Variants in ITGBL1 observed in about 807,000 individuals in gnomAD.
The protein encoded by ITGBL1 is integrin subunit beta like 1, also known as integrin beta-like protein 1.
ITGBL1 carries 51 observed loss-of-function variants against 68.5 expected under a neutral mutation model. The ratio of observed to expected loss-of-function variants is 0.74; its 90% confidence interval spans 0.59 to 0.94. The LOEUF is 0.94. Among genes scored for constraint, ITGBL1 ranks in the 40% least tolerant of loss-of-function variants. The pLI is 0.00. For missense variants in ITGBL1, 649 were observed against 647.4 expected (o/e 1.00, Z -0.03); for synonymous variants, 209 against 227.3 (o/e 0.92, Z 0.72).
chr13:101,675,769 T>C (rs1408104952), intron 7 of ITGBL1, among the ~76,000 whole-genome samples: 4 of 152,322 alleles, frequency 2.6e-5, no homozygotes, highest in Admixed American at 2.6e-4. Flanking sequence ...TGCCTCATTC[T>C]ATCTTTTCTC....
rs72659186 is a variant in ITGBL1 at position 101,695,373 on chromosome 13, C to A, written c.1132+2672C>A. Among the ~76,000 whole-genome samples, 499 of 152,216 alleles carry A rather than the reference C, an allele frequency of 3.3e-3. 1 individual carries two copies. The highest frequency in any genetic ancestry group is 5.4e-3 in the Non-Finnish European group (367 of 68,008). On this transcript the variant is annotated intron_variant, in intron 8 of 10. Transcript: ENST00000376180. The stretch of plus-strand genomic sequence containing the variant: ...AACATTTGAGGACCAGAGAAAAACC[C>A]TGTGTGATTGCAGATTAGAAAACCA...
intron 2 of ITGBL1, among the ~76,000 whole-genome samples, chr13:101,480,106 T>G (rs1239347678): frequency 6.6e-6 from 1 of 152,054 alleles, no homozygotes; most frequent in Non-Finnish European, 1.5e-5. Flanking sequence ...GAAAATGTGG[T>G]ATCTATACAC....
At chr13:101,495,685 T>C (rs1342404586) in intron 2 of ITGBL1, among the ~76,000 whole-genome samples, 1 of 151,998 alleles carries the variant, frequency 6.6e-6, no homozygotes, top group Admixed American at 6.6e-5. Flanking sequence ...CTACCTCCTA[T>C]AAGGATGGGC....
At chr13:101,483,090 A>T (rs183473341) in intron 2 of ITGBL1, among the ~76,000 whole-genome samples, 151 of 152,220 alleles carry the variant, frequency 9.9e-4, no homozygotes, top group Admixed American at 1.5e-3. Context: ...CTAAAGGTGG[A>T]CTCTGCTAGG....
At chr13:101,707,908 A>C (rs1224076267) in intron 9 of ITGBL1, among the ~76,000 whole-genome samples, 1 of 151,950 alleles carries the variant, frequency 6.6e-6, no homozygotes, top group African/African-American at 2.4e-5. Context: ...AAGCCTGCCA[A>C]ATGGTTATAA....
At chr13:101,720,768 A>G (rs2139645427), downstream of ITGBL1, 1 of 152,292 alleles carries the variant, frequency 6.6e-6, no homozygotes, top group South Asian at 2.1e-4. Context: ...TCAAGATGAC[A>G]TAACACCAAA....
intron 3 of ITGBL1, among the ~76,000 whole-genome samples, chr13:101,574,838 A>T (rs2050330304): frequency 6.6e-6 from 1 of 152,086 alleles, no homozygotes; most frequent in Admixed American, 6.6e-5. Context: ...GTTACCAGCA[A>T]TCCATGCCTA....
chr13:101,647,261 A>G (rs2139443585), intron 7 of ITGBL1, among the ~76,000 whole-genome samples: 1 of 152,350 alleles, frequency 6.6e-6, no homozygotes, highest in Middle Eastern at 3.4e-3. Context: ...GTAATTCAGT[A>G]GTAATAGAAA....
At chr13:101,718,716 C>A (rs912672714), downstream of ITGBL1, 1 of 151,774 alleles carries the variant, frequency 6.6e-6, no homozygotes, top group Non-Finnish European at 1.5e-5. Flanking sequence ...TACCGCCCTC[C>A]ACTACCTCAA....
At chr13:101,550,785 G>A (rs1594884812) in intron 2 of ITGBL1, among the ~76,000 whole-genome samples, 3 of 152,238 alleles carry the variant, frequency 2.0e-5, no homozygotes, top group Non-Finnish European at 2.9e-5. Context: ...AATGTGCAAA[G>A]GAAATATTTC....
intron 7 of ITGBL1, among the ~76,000 whole-genome samples, chr13:101,683,981 T>C (rs906528149): frequency 1.8e-4 from 28 of 152,004 alleles, no homozygotes; most frequent in Admixed American, 7.9e-4. Context: ...GTCAGATATG[T>C]GTGTCACTGA....
chr13:101,549,770 A>G (rs924180481), intron 2 of ITGBL1, among the ~76,000 whole-genome samples: 2 of 150,222 alleles, frequency 1.3e-5, no homozygotes, highest in South Asian at 2.1e-4. Flanking sequence ...TTATTTGGTA[A>G]TTTTTTTTTT....
intron 2 of ITGBL1, among the ~76,000 whole-genome samples, chr13:101,545,864 A>G (rs919908024): frequency 1.3e-5 from 2 of 152,228 alleles, no homozygotes; most frequent in East Asian, 1.9e-4. Flanking sequence ...CTAGTTAAAC[A>G]TTTTGAATAT....
intron 9 of ITGBL1, among the ~76,000 whole-genome samples, chr13:101,709,568 CTTAAG>C (rs1566801936): frequency 6.6e-6 from 1 of 151,950 alleles, no homozygotes; most frequent in Non-Finnish European, 1.5e-5. Flanking sequence ...ACATAGAGCA[CTTAAG>C]TTTAGATACT....
chr13:101,561,465 A>C (rs1289093027), intron 2 of ITGBL1, among the ~76,000 whole-genome samples: 2 of 152,200 alleles, frequency 1.3e-5, no homozygotes, highest in Non-Finnish European at 2.9e-5. Flanking sequence ...ATGGGAAGGA[A>C]ACAGGAACAT....
intron 7 of ITGBL1, among the ~76,000 whole-genome samples, chr13:101,680,796 T>C (rs1027826783): frequency 6.6e-6 from 1 of 152,188 alleles, no homozygotes; most frequent in Admixed American, 6.5e-5. Context: ...GTTTAACTTA[T>C]TCTTCCAAGG....
At chr13:101,684,403 G>C (rs3858789) in intron 7 of ITGBL1, among the ~76,000 whole-genome samples, 28,450 of 151,806 alleles carry the variant, frequency 0.19, 3,423 homozygotes, top group Admixed American at 0.28. Context: ...ATAAGATTTT[G>C]GTTGTAGTTA....
intron 7 of ITGBL1, among the ~76,000 whole-genome samples, chr13:101,686,331 T>C (rs1400041532): frequency 1.3e-5 from 2 of 151,958 alleles, no homozygotes; most frequent in African/African-American, 4.8e-5. Flanking sequence ...GGCAACCATA[T>C]AAAGAGAAAA....
At chr13:101,616,286 T>A (rs2031358896) in intron 7 of ITGBL1, among the ~76,000 whole-genome samples, 1 of 152,108 alleles carries the variant, frequency 6.6e-6, no homozygotes, top group South Asian at 2.1e-4. Context: ...TAAGTTCAGG[T>A]AATTGTTTCA....
Sources: allele counts gnomAD v4.1 joint callset (sites outside exome capture counted in the v4.1 genomes callset), GRCh38; gene constraint gnomAD v4.1.1; transcripts MANE v1.5; gene names NCBI Gene and HGNC (gene_info 2026-07-23, HGNC 2026-07-21).